Variants in FAM13B observed in about 807,000 individuals in gnomAD.
FAM13B encodes family with sequence similarity 13 member B.
In FAM13B, 60 loss-of-function variants were observed where a neutral mutation model predicts 117.3. The observed-to-expected ratio is 0.51, with a 90% CI of 0.42 to 0.63. The LOEUF (loss-of-function observed/expected upper bound fraction) is 0.63, where lower values mean the gene tolerates loss of function less well. Ranked by LOEUF, FAM13B falls within the 30% of genes least tolerant of loss-of-function variation. The pLI, the probability that FAM13B is intolerant of heterozygous loss-of-function variation, is 0.00. For missense variants in FAM13B, 972 were observed against 1,091.9 expected, an observed-to-expected ratio of 0.89 and a Z score of 1.55; for synonymous variants, 332 against 356.1, an observed-to-expected ratio of 0.93 and a Z score of 0.76.
At chr5:137,947,419 G>A (rs1763733634) in intron 18 of FAM13B, among the ~76,000 whole-genome samples, 1 of 152,160 alleles carries the variant, frequency 6.6e-6, no homozygotes, top group South Asian at 2.1e-4. Flanking sequence ...AGTTGTAGCA[G>A]GTAGGGGAAT....
At chr5:138,007,389 T>C (rs1782817564) in intron 6 of FAM13B, among the ~76,000 whole-genome samples, 1 of 152,188 alleles carries the variant, frequency 6.6e-6, no homozygotes, top group Non-Finnish European at 1.5e-5. Flanking sequence ...ATTAGTATAT[T>C]AGTATATTGC....
intron 7 of FAM13B, among the ~76,000 whole-genome samples, chr5:137,994,819 C>T (rs891594738): frequency 2.3e-4 from 35 of 152,216 alleles, no homozygotes; most frequent in Admixed American, 8.5e-4. Context: ...AATCTGCCTA[C>T]GATGACATAA....
Position 137,956,562 on chromosome 5 carries a change from G to T in FAM13B, c.1442-20C>A. ...ATGACGCTAATAAAATGGAAAAAAT[G>T]GCAAAAAATACTAAAGTGAACACAC... is the stretch of plus-strand genomic sequence containing the variant. On this transcript the variant is annotated intron_variant, in intron 13 of 23. Transcript: ENST00000689681. The T allele has an allele frequency of 6.4e-7, 1 of 1,566,040 alleles. No individual in the cohort carries two copies. Among genetic ancestry groups the T allele is most frequent in the South Asian group, 1.2e-5 (1 of 84,428 alleles).
intron 23 of FAM13B, among the ~76,000 whole-genome samples, 161 bp downstream of exon 23, chr5:137,941,783 T>G (rs1380006499): frequency 6.6e-6 from 1 of 152,216 alleles, no homozygotes; most frequent in African/African-American, 2.4e-5. Flanking sequence ...TTCCTGGCCA[T>G]TAAAAGCAGG....
At chr5:137,954,867 C>T (rs1766056514) in intron 14 of FAM13B, among the ~76,000 whole-genome samples, 1 of 152,070 alleles carries the variant, frequency 6.6e-6, no homozygotes, top group South Asian at 2.1e-4. Flanking sequence ...AGTGATCCTC[C>T]CATCTCAGCC....
chr5:138,033,082 C>T (rs1257751115), upstream of FAM13B: 2 of 958,030 alleles, frequency 2.1e-6, no homozygotes, highest in East Asian at 1.3e-4. Context: ...GAGCGGCTGG[C>T]GGGCGGAGGC....
At chr5:138,025,317 T>G (rs1230301613) in intron 1 of FAM13B, among the ~76,000 whole-genome samples, 1 of 107,646 alleles carries the variant, frequency 9.3e-6, no homozygotes, top group Non-Finnish European at 2.0e-5. Flanking sequence ...ATATGTATTT[T>G]TTTTTTTTTT....
intron 1 of FAM13B, among the ~76,000 whole-genome samples, chr5:138,029,910 A>G (rs537536896): frequency 6.6e-6 from 1 of 152,344 alleles, no homozygotes; most frequent in South Asian, 2.1e-4. Context: ...AAAGCAAGAG[A>G]TAAGAATCTT....
At chr5:138,006,018 C>A (rs1253731894) in intron 7 of FAM13B, among the ~76,000 whole-genome samples, 2 of 151,918 alleles carry the variant, frequency 1.3e-5, no homozygotes, top group Non-Finnish European at 2.9e-5. Flanking sequence ...CCTGCCTCAG[C>A]CTCCCGTGTA....
intron 4 of FAM13B, among the ~76,000 whole-genome samples, chr5:138,017,324 A>C (rs1011035175): frequency 2.0e-5 from 3 of 152,210 alleles, no homozygotes; most frequent in African/African-American, 7.2e-5. Context: ...AAGACGGATA[A>C]ACACTTTCGA....
At chr5:137,962,300 A>G in intron 11 of FAM13B, 105 bp downstream of exon 11, 1 of 865,604 alleles carries the variant, frequency 1.2e-6, no homozygotes, top group South Asian at 1.6e-5. Flanking sequence ...AGATTATCTA[A>G]ACTATATATT....
chr5:138,003,901 A>G (rs1215792896), intron 7 of FAM13B, among the ~76,000 whole-genome samples: 1 of 152,206 alleles, frequency 6.6e-6, no homozygotes, highest in African/African-American at 2.4e-5. Context: ...ACTGTAGCCC[A>G]GAATCCTTCT....
chr5:138,030,986 T>C (rs886433248), intron 1 of FAM13B, among the ~76,000 whole-genome samples: 2 of 151,558 alleles, frequency 1.3e-5, no homozygotes, highest in African/African-American at 4.9e-5. Flanking sequence ...TCAGCCGAGA[T>C]TGCACCACTG....
At chr5:137,988,365 C>T in intron 7 of FAM13B, 50 bp from the exon 8 acceptor site, 1 of 1,453,580 alleles carries the variant, frequency 6.9e-7, no homozygotes. Flanking sequence ...TACTTAATAA[C>T]TACAAAATGT....
Position 137,949,190 on chromosome 5 carries a change from T to C in FAM13B, c.1931-6A>G, listed in dbSNP as rs1764238191. 6.2e-7 allele frequency: 1 copy of C among 1,609,786 alleles called. No individual in the cohort carries two copies. The highest frequency in any genetic ancestry group is 8.5e-7 in the Non-Finnish European group (1 of 1,176,198). ...AGAATTTTTGTGTTTTGCATCTACA[T>C]GTCAGAAATAAGGACAGATCAGTAA... On this transcript the variant is annotated splice_polypyrimidine_tract_variant and splice_region_variant and intron_variant, in intron 17 of 23. Coordinates refer to ENST00000689681, the MANE Select transcript of FAM13B (RefSeq NM_001385994.1).
intron 11 of FAM13B, among the ~76,000 whole-genome samples, chr5:137,961,597 C>G (rs558507303): frequency 6.6e-6 from 1 of 152,196 alleles, no homozygotes; most frequent in African/African-American, 2.4e-5. Context: ...CCTTAAAGAA[C>G]AGGCTTCCTA....
intron 18 of FAM13B, among the ~76,000 whole-genome samples, chr5:137,946,845 A>T (rs1043264055): frequency 2.6e-5 from 4 of 152,238 alleles, no homozygotes; most frequent in Non-Finnish European, 5.9e-5. Context: ...ATTCTAAACC[A>T]TTAAGAAAAT....
intron 16 of FAM13B, 132 bp from the exon 17 acceptor site, chr5:137,952,841 T>TGAA: frequency 1.7e-6 from 1 of 574,238 alleles, no homozygotes; most frequent in Non-Finnish European, 3.0e-6. Context: ...TTTAATTAGA[T>TGAA]AGGGCAGGAT....
chr5:137,966,488 T>TATATATATATATATAG (rs1461425784), intron 10 of FAM13B, among the ~76,000 whole-genome samples: 1 of 29,468 alleles, frequency 3.4e-5, no homozygotes, highest in Non-Finnish European at 6.1e-5. Context: ...TATATATATA[T>TATATATATATATATAG]AGAGAGAGAG....
Sources: gnomAD v4.1 joint callset for allele counts (sites outside exome capture counted in the v4.1 genomes callset) on GRCh38, gnomAD v4.1.1 for gene constraint, MANE v1.5 for transcripts, NCBI Gene and HGNC (gene_info 2026-07-23, HGNC 2026-07-21) for gene names.